The following RGS12 variants were observed in gnomAD, a reference collection of about 807,000 sequenced individuals.
RGS12 encodes the protein regulator of G protein signaling 12, also known as regulator of G-protein signaling 12.
A neutral mutation model predicts 120.1 loss-of-function variants in RGS12; 66 were observed. The ratio of observed to expected loss-of-function variants is 0.55; its 90% CI spans 0.45 to 0.67. The LOEUF (loss-of-function observed/expected upper bound fraction) is 0.67, where lower values mean the gene tolerates loss of function less well. Among genes scored for constraint, RGS12 ranks in the 30% least tolerant of loss-of-function variants. The probability of loss-of-function intolerance (pLI) is 0.00; values close to 1 mark genes in which losing one functional copy is unlikely to be tolerated. For synonymous variants in RGS12, 827 were observed against 804.7 expected (o/e 1.03, Z -0.47); for missense variants, 1,859 against 1,957.7 (o/e 0.95, Z 0.95).
At chr4:3,341,259 G>T (rs1236001661) in intron 2 of RGS12, among the ~76,000 whole-genome samples, 1 of 17,426 alleles carries the variant, frequency 5.7e-5, no homozygotes. Flanking sequence ...GACAAGGGTG[G>T]AGAGATGGGG....
rs748455402 is a variant in RGS12, at chr4:3,386,401, T to C, written c.1999-15T>C. 3 of 1,611,466 alleles carry C rather than the reference T, an allele frequency of 1.9e-6. No homozygotes were observed. In the Admixed American group the frequency reaches 5.0e-5, roughly 27 times the overall value. On this transcript the variant is annotated splice_polypyrimidine_tract_variant and intron_variant, in intron 3 of 17. Transcript: ENST00000336727. ...GAGGCTTAATTAACTCATGTCTCTC[T>C]CTCTTTTCTTTCAGTCTGCAACTGT...
chr4:3,351,710 C>G (rs1334193890), intron 3 of RGS12, among the ~76,000 whole-genome samples: 1 of 152,100 alleles, frequency 6.6e-6, no homozygotes, highest in Non-Finnish European at 1.5e-5. Flanking sequence ...AAATGGCTGT[C>G]CAGTGCTGCG....
rs1257711070 is a variant in RGS12, at chr4:3,425,483, T to C, written c.3254T>C (p.Leu1085Pro). The C allele has an allele frequency of 6.2e-7, 1 of 1,612,332 alleles. No homozygotes were observed. Among genetic ancestry groups the C allele is most frequent in the East Asian group, 2.2e-5 (1 of 44,800 alleles). ...LVRLSGEKEP[L>P]DLGAPISSLD... ...CCCTAGAGTGGAGAGAAGGAGCCCC[T>C]GGACCTTGGCGCCCCTATATCGAGT... Residue 1085 changes from leucine to proline, a missense_variant, in exon 14 of 18, where the codon CTG (leucine) becomes CCG (proline). By Grantham distance (98) the Leu-to-Pro change is moderately conservative (BLOSUM62 -3). Coordinates refer to ENST00000336727, the MANE Select transcript of RGS12 (RefSeq NM_001394154.1).
chr4:3,430,760 T>A lies in RGS12; in HGVS notation c.3919T>A (p.Ser1307Thr), dbSNP rs771255511. 28 of 1,608,126 alleles carry A rather than the reference T, an allele frequency of 1.7e-5. No homozygotes were observed. The East Asian group carries it at 5.8e-4, about 33-fold the overall frequency. Residue 1307 changes from serine to threonine, a missense_variant, in exon 17 of 18, where the codon TCC (serine) becomes ACC (threonine). Coordinates refer to ENST00000336727, the MANE Select transcript of RGS12 (RefSeq NM_001394154.1). ...CTTCTGCACTCCCCAGTCCCCCGTC[T>A]CCCTCGCGCAGGAGGGCACCGCCCA... ...GPFCTPQSPVSLAQEGTAQIW... is the reference protein window; with the variant it reads ...GPFCTPQSPVTLAQEGTAQIW...
chr4:3,423,089 G>A, intron 12 of RGS12, 111 bp downstream of exon 12: 1 of 742,308 alleles, frequency 1.3e-6, no homozygotes, highest in Non-Finnish European at 2.2e-6. Flanking sequence ...TCCATGCTGG[G>A]CTACGATGGG....
intron 1 of RGS12, among the ~76,000 whole-genome samples, chr4:3,295,062 T>G (rs941059697): frequency 1.3e-5 from 2 of 151,786 alleles, no homozygotes; most frequent in African/African-American, 4.8e-5. Context: ...TCTGCCCTGT[T>G]TAGGATGAGG....
intron 4 of RGS12, among the ~76,000 whole-genome samples, chr4:3,405,884 G>T (rs1252957286): frequency 6.6e-6 from 1 of 151,204 alleles, no homozygotes; most frequent in Non-Finnish European, 1.5e-5. Flanking sequence ...TAATTTTTCT[G>T]CAAGTTTGAA....
At chr4:3,369,514 C>T (rs1342021993) in intron 3 of RGS12, among the ~76,000 whole-genome samples, 2 of 152,156 alleles carry the variant, frequency 1.3e-5, no homozygotes, top group African/African-American at 4.8e-5. Flanking sequence ...AATGGCGAAG[C>T]TTCCCTCAAC....
rs371404745 is a variant in RGS12 at position 3,430,711 on chromosome 4, C to A, written c.3870C>A (p.Pro1290=). ...CTGGACCTCCTGGGACGACCCCCCC[C>A]GGGCAGAAGTCTCCCAGCGGGCCCT... ...SPPGPPGTTP[P]GQKSPSGPFC... Residue 1290 remains proline (P), a synonymous_variant, in exon 17 of 18, where the codon CCC becomes CCA. Coordinates refer to ENST00000336727, the MANE Select transcript of RGS12 (RefSeq NM_001394154.1). The A allele has an allele frequency of 2.5e-5, 39 of 1,580,904 alleles. No individual in the cohort carries two copies. Among genetic ancestry groups the A allele is most frequent in the East Asian group, 6.8e-5 (3 of 44,386 alleles).
At position 3,317,098 on chromosome 4, in the gene RGS12, C is replaced by T. The variant is rs1158884704; in HGVS notation, c.928C>T (p.Arg310Ter). ...AFSAVCPDDRRFFGLVTMQTN... is the reference protein window; with the variant it reads ...AFSAVCPDDR Reference sequence around the variant, plus strand: ...CAGCGCCGTGTGCCCGGACGACCGGCGATTTTTCGGGTTGGTTACCATGCA... The same window carrying T: ...CAGCGCCGTGTGCCCGGACGACCGGTGATTTTTCGGGTTGGTTACCATGCA... The change falls in exon 2 of 18, where the codon CGA (arginine) becomes TGA (stop). Residue 310 changes from arginine to a stop codon, truncating the protein, a stop_gained. Transcript: ENST00000336727. LOFTEE classifies it high-confidence loss of function. The T allele has an allele frequency of 6.2e-6, 10 of 1,613,742 alleles. No individual in the cohort carries two copies. The highest frequency in any genetic ancestry group is 2.2e-5 in the East Asian group (1 of 44,880).
chr4:3,335,630 C>T lies in RGS12; in HGVS notation c.1882-7307C>T, dbSNP rs114107419. ...AGTTTGCAGTTTGCCCAGCTCATTG[C>T]GCCAACCTTCTGGCCCCTCAGAAAC... On this transcript the variant is annotated intron_variant, in intron 2 of 17. Coordinates refer to ENST00000336727, the MANE Select transcript of RGS12 (RefSeq NM_001394154.1). 1.0e-3 allele frequency among the ~76,000 whole-genome samples: 156 copies of T among 152,286 alleles called. 1 individual carries two copies. The highest frequency in any genetic ancestry group is 3.5e-3 in the African/African-American group (146 of 41,562).
intron 6 of RGS12, 144 bp from the exon 7 acceptor site, chr4:3,415,834 T>A (rs1047786521): frequency 4.8e-6 from 4 of 828,820 alleles, no homozygotes; most frequent in Non-Finnish European, 7.5e-6. Context: ...CTGGCCACAC[T>A]TTTATTTATT....
chr4:3,419,364 T>A (rs1350476356), intron 9 of RGS12: 2 of 148,126 alleles, frequency 1.4e-5, no homozygotes, highest in Non-Finnish European at 3.0e-5. Flanking sequence ...GGTGTGATGG[T>A]GGGTACTTTC....
rs1339043241 is a variant in RGS12, at chr4:3,414,065, C to T, written c.2021-7C>T. On this transcript the variant is annotated splice_region_variant and splice_polypyrimidine_tract_variant and intron_variant, in intron 4 of 17. Coordinates refer to ENST00000336727, the MANE Select transcript of RGS12 (RefSeq NM_001394154.1). ...GGGTGCAGGTGCTGTCTGTGCTGGT[C>T]CCGCAGAGTTGACGGGCGCCGACCT... is the stretch of plus-strand genomic sequence containing the variant. 27 of 1,548,064 alleles carry T rather than the reference C, an allele frequency of 1.7e-5. No individual in the cohort carries two copies. The highest frequency in any genetic ancestry group is 2.3e-5 in the Non-Finnish European group (27 of 1,150,070).
chr4:3,346,620 T>C (rs1713820860), intron 3 of RGS12, among the ~76,000 whole-genome samples: 1 of 152,162 alleles, frequency 6.6e-6, no homozygotes, highest in African/African-American at 2.4e-5. Context: ...GAAAGTTGGA[T>C]GGGAGGAAGC....
intron 4 of RGS12, among the ~76,000 whole-genome samples, chr4:3,387,881 G>A (rs547797387): frequency 1.3e-5 from 2 of 152,342 alleles, no homozygotes; most frequent in South Asian, 4.1e-4. Flanking sequence ...CCAAAAGATT[G>A]CTTCTGTCAG....
At chr4:3,379,173 C>T (rs187499109) in intron 3 of RGS12, among the ~76,000 whole-genome samples, 138 of 152,196 alleles carry the variant, frequency 9.1e-4, no homozygotes, top group Non-Finnish European at 1.5e-3. Flanking sequence ...AATTCATGGA[C>T]GCAGAGAGTA....
chr4:3,325,733 A>G (rs1442040753), intron 2 of RGS12, among the ~76,000 whole-genome samples: 1 of 152,154 alleles, frequency 6.6e-6, no homozygotes, highest in African/African-American at 2.4e-5. Flanking sequence ...CAAGGACACA[A>G]CACCAAAAAT....
chr4:3,438,709 A>C (rs2109278398), intron 17 of RGS12, among the ~76,000 whole-genome samples: 1 of 152,156 alleles, frequency 6.6e-6, no homozygotes, highest in South Asian at 2.1e-4. Context: ...TGGCAAGGAG[A>C]TGGCCTGCCC....
Sources: allele counts gnomAD v4.1 joint callset (sites outside exome capture counted in the v4.1 genomes callset), GRCh38; gene constraint gnomAD v4.1.1; transcripts MANE v1.5; gene names NCBI Gene and HGNC (gene_info 2026-07-23, HGNC 2026-07-21).